Variants in NAALADL2 observed in about 807,000 individuals in gnomAD.
The protein encoded by NAALADL2 is N-acetylated alpha-linked acidic dipeptidase like 2, also known as inactive N-acetylated-alpha-linked acidic dipeptidase-like protein 2.
A neutral mutation model predicts 87.2 loss-of-function variants in NAALADL2; 76 were observed. The ratio of observed to expected loss-of-function variants is 0.87; its 90% CI spans 0.72 to 1.05. NAALADL2 has a LOEUF of 1.05. Ranked by LOEUF, NAALADL2 falls within the 50% of genes least tolerant of loss-of-function variation. The probability of loss-of-function intolerance (pLI) is 0.00; values close to 1 mark genes in which losing one functional copy is unlikely to be tolerated. For synonymous variants in NAALADL2, 354 were observed against 331.0 expected (o/e 1.07, Z -0.75); for missense variants, 1,089 against 945.8 (o/e 1.15, Z -1.99).
chr3:175,563,208 T>C (rs1270879801), intron 9 of NAALADL2, among the ~76,000 whole-genome samples: 1 of 152,160 alleles, frequency 6.6e-6, no homozygotes, highest in African/African-American at 2.4e-5. Flanking sequence ...GCATCATTGC[T>C]TTTTAAGGGA....
At position 175,668,951 on chromosome 3, in the gene NAALADL2, G is replaced by A. The variant is rs530158451; in HGVS notation, c.1896+41565G>A. ...CTATGTGCAAGGCACTGTATCATGT[G>A]TTTTCTATTCATTGTTTTTGGTGGG... On this transcript the variant is annotated intron_variant, in intron 11 of 13. Transcript: ENST00000454872. 3.3e-5 allele frequency among the ~76,000 whole-genome samples: 5 copies of A among 152,176 alleles called. No individual in the cohort carries two copies. In the South Asian group the frequency reaches 1.0e-3, roughly 32 times the overall value.
intron 13 of NAALADL2, among the ~76,000 whole-genome samples, chr3:175,783,076 G>A (rs1191596209): frequency 6.6e-6 from 1 of 150,398 alleles, no homozygotes; most frequent in Non-Finnish European, 1.5e-5. Flanking sequence ...TCTCTGTTTT[G>A]GTACCAGTAC....
chr3:175,420,755 T>C (rs1715561886), intron 5 of NAALADL2, among the ~76,000 whole-genome samples: 1 of 152,038 alleles, frequency 6.6e-6, no homozygotes, highest in South Asian at 2.1e-4. Flanking sequence ...TTAAAATTCC[T>C]TTAGATTTTA....
rs1012847232 is a variant in NAALADL2 at position 175,450,960 on chromosome 3, A to T, written c.1234+3588A>T. 2.0e-5 allele frequency among the ~76,000 whole-genome samples: 3 copies of T among 152,134 alleles called. 1 individual carries two copies. The highest frequency in any genetic ancestry group is 1.3e-4 in the Admixed American group (2 of 15,264). On this transcript the variant is annotated intron_variant, in intron 6 of 13. Transcript: ENST00000454872. ...CCATGGGAATGCATCCTACCTGAAA[A>T]TAAAGTCAACATAGGAAGGGGTCAG...
chr3:174,492,225 G>T (rs543707554), intron 1 of NAALADL2, among the ~76,000 whole-genome samples: 5 of 150,834 alleles, frequency 3.3e-5, no homozygotes, highest in African/African-American at 1.2e-4. Context: ...AGCCAAGATC[G>T]CATCATTGCA....
intron 1 of NAALADL2, among the ~76,000 whole-genome samples, chr3:174,879,494 T>G (rs1456182125): frequency 6.6e-6 from 1 of 152,146 alleles, no homozygotes; most frequent in Non-Finnish European, 1.5e-5. Flanking sequence ...GATTTTTTCC[T>G]ACGGAGGTAA....
At chr3:175,009,166 G>A (rs1182463728) in intron 1 of NAALADL2, among the ~76,000 whole-genome samples, 1 of 152,040 alleles carries the variant, frequency 6.6e-6, no homozygotes, top group Non-Finnish European at 1.5e-5. Flanking sequence ...ATTGGGATAG[G>A]GGATAAGAAT....
chr3:174,759,946 G>A (rs1275770925), intron 3 of NAALADL2, among the ~76,000 whole-genome samples: 1 of 152,028 alleles, frequency 6.6e-6, no homozygotes, highest in African/African-American at 2.4e-5. Flanking sequence ...TGATCTGCCC[G>A]CCTCTGCCTC....
intron 1 of NAALADL2, among the ~76,000 whole-genome samples, chr3:174,930,094 A>G (rs1736645091): frequency 6.6e-6 from 1 of 152,206 alleles, no homozygotes; most frequent in Non-Finnish European, 1.5e-5. Context: ...TGTAGTATCC[A>G]GCAAGGACAT....
chr3:175,261,814 C>T (rs1235940116), intron 4 of NAALADL2, among the ~76,000 whole-genome samples: 1 of 151,922 alleles, frequency 6.6e-6, no homozygotes, highest in African/African-American at 2.4e-5. Flanking sequence ...AAGCAAATGG[C>T]TTTTAGATAT....
chr3:175,084,353 T>TA (rs1718454611), intron 1 of NAALADL2, among the ~76,000 whole-genome samples: 1 of 152,156 alleles, frequency 6.6e-6, no homozygotes, highest in African/African-American at 2.4e-5. Context: ...AAGTTGGGTC[T>TA]AAAGGGTCGA....
intron 1 of NAALADL2, chr3:174,513,514 T>G (rs183545427): frequency 6.6e-6 from 1 of 152,214 alleles, no homozygotes; most frequent in African/African-American, 2.4e-5. Context: ...CAAAGATTGG[T>G]AAGATCCACT....
intron 3 of NAALADL2, among the ~76,000 whole-genome samples, chr3:174,766,903 T>A (rs995760727): frequency 1.3e-5 from 2 of 152,140 alleles, no homozygotes; most frequent in African/African-American, 4.8e-5. Context: ...TATCTGCGGA[T>A]CTTGGGCAGA....
chr3:174,533,178 G>A (rs1721403824), intron 1 of NAALADL2, among the ~76,000 whole-genome samples: 1 of 141,184 alleles, frequency 7.1e-6, no homozygotes, highest in Non-Finnish European at 1.5e-5. Flanking sequence ...ATGGGGAAGG[G>A]GTACAGGGGC....
At chr3:175,066,711 G>C (rs1179977682) in intron 1 of NAALADL2, among the ~76,000 whole-genome samples, 2 of 152,128 alleles carry the variant, frequency 1.3e-5, no homozygotes, top group Non-Finnish European at 2.9e-5. Context: ...CAGGAAGGAA[G>C]TGTATCCACT....
At chr3:175,646,423 G>A (rs564544132) in intron 11 of NAALADL2, among the ~76,000 whole-genome samples, 4 of 152,006 alleles carry the variant, frequency 2.6e-5, no homozygotes, top group Non-Finnish European at 5.9e-5. Context: ...TATCACTTAT[G>A]TGGATGGTTT....
Position 175,803,348 on chromosome 3 carries a change from T to C in NAALADL2, c.*145T>C. 1 of 472,504 alleles carries C rather than the reference T, an allele frequency of 2.1e-6. No individual in the cohort carries two copies. The highest frequency in any genetic ancestry group is 3.7e-6 in the Non-Finnish European group (1 of 272,824). 29.3% of individuals were successfully genotyped at this position (472,504 alleles called of 1,614,324 possible). On this transcript the variant is annotated 3_prime_UTR_variant, in exon 14 of 14. Coordinates refer to ENST00000454872, the MANE Select transcript of NAALADL2 (RefSeq NM_207015.3). ...CTATTATTACATTGTATTTTTTAAA[T>C]GTAAATATAGAAAGAACATTTTGCA...
At chr3:174,609,759 A>C (rs1719596761) in intron 2 of NAALADL2, among the ~76,000 whole-genome samples, 1 of 152,180 alleles carries the variant, frequency 6.6e-6, no homozygotes, top group African/African-American at 2.4e-5. Flanking sequence ...TTATAGATTC[A>C]ATGTCATCCC....
At chr3:175,037,861 G>A (rs1010725403) in intron 1 of NAALADL2, among the ~76,000 whole-genome samples, 4 of 152,114 alleles carry the variant, frequency 2.6e-5, no homozygotes, top group African/African-American at 9.7e-5. Context: ...GGCCCCTTAG[G>A]TGCTAGACAG....
Sources: gnomAD v4.1 joint callset for allele counts (sites outside exome capture counted in the v4.1 genomes callset) on GRCh38, gnomAD v4.1.1 for gene constraint, MANE v1.5 for transcripts, NCBI Gene and HGNC (gene_info 2026-07-23, HGNC 2026-07-21) for gene names.